The following AMPD3 variants were observed in gnomAD, a reference collection of about 807,000 sequenced individuals.
AMPD3 encodes AMP deaminase 3.
A neutral mutation model predicts 82.3 loss-of-function variants in AMPD3; 57 were observed. That is an observed-to-expected ratio of 0.69 (90% CI 0.56 to 0.86). The LOEUF is 0.86. AMPD3 is among the 40% of genes least tolerant of loss of function. The probability of loss-of-function intolerance (pLI) is 0.00; values close to 1 mark genes in which losing one functional copy is unlikely to be tolerated. For synonymous variants in AMPD3, 381 were observed against 394.7 expected, an observed-to-expected ratio of 0.97 and a Z score of 0.41; for missense variants, 870 against 1,003.8, an observed-to-expected ratio of 0.87 and a Z score of 1.80.
Position 10,501,504 on chromosome 11 carries a change from C to T in AMPD3, c.1756C>T (p.His586Tyr). The change falls in exon 12 of 15, where the codon CAC becomes TAC. Residue 586 changes from histidine (H) to tyrosine (Y), a missense_variant. His to Tyr is a moderately conservative substitution (Grantham distance 83). Transcript: ENST00000396553. ...RGLSTFLFRP[H>Y]CGEAGSITHL... Reference sequence around the variant, plus strand: ...CCTGAGCACGTTCCTGTTCCGGCCGCACTGTGGGGAAGCCGGCTCCATCAC... The same window carrying T: ...CCTGAGCACGTTCCTGTTCCGGCCGTACTGTGGGGAAGCCGGCTCCATCAC... 6.2e-7 allele frequency: 1 copy of T among 1,614,128 alleles called. No homozygotes were observed. Among genetic ancestry groups the T allele is most frequent in the Non-Finnish European group, 8.5e-7 (1 of 1,180,022 alleles).
At position 10,469,815 on chromosome 11, in the gene AMPD3, A is replaced by G. The variant is rs10466406; in HGVS notation, c.221+8075A>G. Among the ~76,000 whole-genome samples, 998 of 152,150 alleles carry G rather than the reference A, an allele frequency of 6.6e-3. 7 individuals carry two copies. Among genetic ancestry groups the G allele is most frequent in the African/African-American group, 0.023 (941 of 41,500 alleles). On this transcript the variant is annotated intron_variant, in intron 2 of 14. Transcript: ENST00000396553. ...AGCACTTTGGGAGGCCGAGGCGGGC[A>G]GATCACGAGGTCAGGAGATCGAGAC... is the stretch of plus-strand genomic sequence containing the variant.
chr11:10,474,073 T>C (rs1470636295), intron 2 of AMPD3, among the ~76,000 whole-genome samples: 1 of 152,016 alleles, frequency 6.6e-6, no homozygotes, highest in Non-Finnish European at 1.5e-5. Context: ...GGATTAAGTG[T>C]CTCCTCTGGG....
At chr11:10,491,534 A>G (rs1013308774) in intron 6 of AMPD3, among the ~76,000 whole-genome samples, 2 of 152,228 alleles carry the variant, frequency 1.3e-5, no homozygotes, top group Non-Finnish European at 2.9e-5. Flanking sequence ...AAAAAGGAAC[A>G]AGACCAGTTA....
intron 6 of AMPD3, chr11:10,488,246 C>T (rs138721224): frequency 6.5e-5 from 64 of 985,448 alleles, no homozygotes; most frequent in Non-Finnish European, 7.1e-5. Context: ...TTTGCTGAAG[C>T]GCTGTGCAGT....
chr11:10,483,086 A>T (rs78039563), intron 4 of AMPD3, among the ~76,000 whole-genome samples: 2,345 of 152,320 alleles, frequency 0.015, 67 homozygotes, highest in African/African-American at 0.05. Flanking sequence ...TGTCGTGAGG[A>T]TTAAACAGGA....
At chr11:10,485,354 C>G (rs1644325742) in intron 5 of AMPD3, among the ~76,000 whole-genome samples, 1 of 152,138 alleles carries the variant, frequency 6.6e-6, no homozygotes, top group African/African-American at 2.4e-5. Flanking sequence ...TGAAGTGATT[C>G]TCTTGCCTCA....
rs891254978 is a variant in AMPD3, at chr11:10,456,191, C to T, written c.-6+743C>T. On this transcript the variant is annotated intron_variant, in intron 1 of 14. Coordinates refer to ENST00000396553, the MANE Select transcript of AMPD3 (RefSeq NM_001025389.2). The surrounding 1 kb of genome is among the most constrained non-coding windows in gnomAD (Gnocchi z 4.3). ...ATTTTCCACTCATATTTCATATTCA[C>T]GAGAGAATTTCCAGCCCAGGCTTTT... is the stretch of plus-strand genomic sequence containing the variant. The T allele has an allele frequency of 7.8e-6, 11 of 1,419,246 alleles. No homozygotes were observed. The highest frequency in any genetic ancestry group is 2.6e-4 in the Middle Eastern group (1 of 3,836). 87.9% of individuals were successfully genotyped at this position (1,419,246 alleles called of 1,614,324 possible).
intron 2 of AMPD3, among the ~76,000 whole-genome samples, chr11:10,472,223 C>T (rs1264717927): frequency 1.3e-5 from 2 of 151,612 alleles, no homozygotes; most frequent in African/African-American, 2.4e-5. Flanking sequence ...TGTTCTCACT[C>T]ATAAGTAGGA....
At chr11:10,495,883 T>A in intron 9 of AMPD3, 150 bp downstream of exon 9, 1 of 1,029,720 alleles carries the variant, frequency 9.7e-7, no homozygotes, top group Non-Finnish European at 1.4e-6. Context: ...ATAGAAGGAG[T>A]GATGAAAAAG....
At chr11:10,475,385 T>C (rs1848709745) in intron 2 of AMPD3, among the ~76,000 whole-genome samples, 2 of 152,108 alleles carry the variant, frequency 1.3e-5, no homozygotes, top group South Asian at 4.1e-4. Flanking sequence ...GACATGAGAT[T>C]TGGGCAGAGA....
intron 1 of AMPD3, among the ~76,000 whole-genome samples, chr11:10,460,378 C>T (rs1025524500): frequency 1.3e-5 from 2 of 150,510 alleles, no homozygotes; most frequent in Non-Finnish European, 1.5e-5. Flanking sequence ...GTATTACAGG[C>T]GTGAGCCACC....
At chr11:10,484,385 G>A in intron 4 of AMPD3, 4 of 985,352 alleles carry the variant, frequency 4.1e-6, no homozygotes, top group Non-Finnish European at 4.8e-6. Context: ...TATTCCCACT[G>A]GGCAGTCCAG....
intron 1 of AMPD3, among the ~76,000 whole-genome samples, chr11:10,460,394 C>T (rs905379259): frequency 5.5e-5 from 8 of 146,296 alleles, no homozygotes; most frequent in African/African-American, 1.5e-4. Context: ...CCACCACACC[C>T]GGCCCCAGAG....
chr11:10,459,415 C>T (rs1848193007), intron 1 of AMPD3, among the ~76,000 whole-genome samples: 1 of 152,142 alleles, frequency 6.6e-6, no homozygotes, highest in Non-Finnish European at 1.5e-5. Flanking sequence ...CTGAGAGGGC[C>T]TTAGAGACCA....
At chr11:10,503,353 C>T (rs1395532014) in intron 13 of AMPD3, among the ~76,000 whole-genome samples, 1 of 152,154 alleles carries the variant, frequency 6.6e-6, no homozygotes, top group African/African-American at 2.4e-5. Flanking sequence ...CTTTGGGTCT[C>T]TGGGAAAATA....
At chr11:10,489,488 A>C (rs755963964) in intron 6 of AMPD3, among the ~76,000 whole-genome samples, 8 of 152,166 alleles carry the variant, frequency 5.3e-5, no homozygotes, top group Non-Finnish European at 8.8e-5. Context: ...CTAGGGTAAC[A>C]AATCAGAGCC....
chr11:10,502,979 G>T lies in AMPD3; in HGVS notation c.2016+85G>T, dbSNP rs112458923. The T allele has an allele frequency of 2.0e-6, 3 of 1,481,948 alleles. No individual in the cohort carries two copies. In the African/African-American group the frequency reaches 4.1e-5, roughly 20 times the overall value. 91.8% of individuals were successfully genotyped at this position (1,481,948 alleles called of 1,614,324 possible). A position where few individuals can be genotyped will look rare whatever the true frequency, so the allele number is the denominator to read the frequency against. ...CCCATTTCAGGAACCTGAGCCCATG[G>T]CTTAGTTCTGCTTTTGGGGTGGGGT... On this transcript the variant is annotated intron_variant, in intron 13 of 14. Transcript: ENST00000396553.
chr11:10,487,970 G>A (rs1280314643), intron 6 of AMPD3, among the ~76,000 whole-genome samples: 1 of 150,976 alleles, frequency 6.6e-6, no homozygotes, highest in Non-Finnish European at 1.5e-5. Context: ...GGAACTTAAA[G>A]CAAAATAAAT....
At position 10,505,815 on chromosome 11, in the gene AMPD3, C is replaced by A. The variant is rs745546996; in HGVS notation, c.2235C>A (p.Thr745=). 1 of 1,614,142 alleles carries A rather than the reference C, an allele frequency of 6.2e-7. No individual in the cohort carries two copies. Residue 745 remains threonine (T), a synonymous_variant, in exon 15 of 15, where the codon ACC becomes ACA. Transcript: ENST00000396553. ...TCCGGATGGCATTCCGATATGAGAC[C>A]TTATGCAATGAGCTCAGCTTCCTGT... ...AQIRMAFRYE[T]LCNELSFLSD...
Sources: allele counts gnomAD v4.1 joint callset (sites outside exome capture counted in the v4.1 genomes callset), GRCh38; gene constraint gnomAD v4.1.1; non-coding constraint Gnocchi (gnomAD v3.1); transcripts MANE v1.5; gene names NCBI Gene and HGNC (gene_info 2026-07-23, HGNC 2026-07-21).